RAB7B: variants seen among roughly 807,000 people sequenced by gnomAD.
RAB7B encodes ras-related protein Rab-7b.
At chr1:205,986,315 C>G (rs888863237) in intron 4 of RAB7B, among the ~76,000 whole-genome samples, 1 of 152,220 alleles carries the variant, frequency 6.6e-6, no homozygotes, top group Non-Finnish European at 1.5e-5. Flanking sequence ...ATGAACTCAT[C>G]TCATCCTCTC....
intron 1 of RAB7B, among the ~76,000 whole-genome samples, 172 bp downstream of exon 1, chr1:206,003,081 C>T (rs1660914344): frequency 6.6e-6 from 1 of 152,222 alleles, no homozygotes. Context: ...CTGCCACACC[C>T]TGGGAGCTTC....
At chr1:205,995,445 A>G (rs1447565139) in intron 1 of RAB7B, among the ~76,000 whole-genome samples, 6 of 152,210 alleles carry the variant, frequency 3.9e-5, no homozygotes, top group African/African-American at 1.4e-4. Flanking sequence ...CTACACTCCC[A>G]GGTTCACTGC....
rs1660737516 is a variant in RAB7B, at chr1:205,992,514, A to T, written c.362T>A (p.Leu121Ter). 2.5e-6 allele frequency: 1 copy of T among 398,578 alleles called. No homozygotes were observed. The highest frequency in any genetic ancestry group is 1.3e-4 in the South Asian group (1 of 7,868). 24.7% of individuals were successfully genotyped at this position (398,578 alleles called of 1,614,324 possible). ...VPMEQSYPMV[L>*]LGNKIDLADR... ...TGCCAGATCGATCTTGTTCCCCAAC[A>T]ACACCATGGGGTAGGACTGCTCCAT... The change falls in exon 4 of 6, where the codon TTG (leucine) becomes TAG (stop). Residue 121 changes from leucine to a stop codon, truncating the protein, a stop_gained. Coordinates refer to ENST00000617070, the MANE Select transcript of RAB7B (RefSeq NM_001164522.3). LOFTEE classifies it high-confidence loss of function.
chr1:205,985,790 G>T (rs1396237173), intron 4 of RAB7B, 125 bp from the exon 5 acceptor site: 9 of 304,220 alleles, frequency 3.0e-5, no homozygotes, highest in African/African-American at 1.2e-4. Context: ...ATCCCCACCA[G>T]GCCCACCATC....
rs1660784896 is a variant in RAB7B at position 205,994,927 on chromosome 1, A to G, written c.-16-776T>C. On this transcript the variant is annotated intron_variant, in intron 1 of 5. Transcript: ENST00000617070. Reference sequence around the variant, plus strand: ...TAATATGGGAAAATGCTCATGCCCTAGGATCTAAATAGGATCCTAGGATCC... The same window carrying G: ...TAATATGGGAAAATGCTCATGCCCTGGGATCTAAATAGGATCCTAGGATCC... 2.6e-5 allele frequency among the ~76,000 whole-genome samples: 4 copies of G among 152,214 alleles called. 1 individual carries two copies. Among genetic ancestry groups the G allele is most frequent in the Admixed American group, 2.6e-4 (4 of 15,278 alleles).
intron 1 of RAB7B, among the ~76,000 whole-genome samples, chr1:206,002,222 C>T (rs1175183287): frequency 2.0e-5 from 3 of 152,154 alleles, no homozygotes; most frequent in Admixed American, 6.5e-5. Flanking sequence ...TTCACAATTC[C>T]GCCTTACCCA....
At chr1:205,985,911 T>C (rs1347884865) in intron 4 of RAB7B, among the ~76,000 whole-genome samples, 1 of 115,926 alleles carries the variant, frequency 8.6e-6, no homozygotes, top group Admixed American at 9.6e-5. Context: ...AGGTGGGAAC[T>C]GTTAGCTCCA....
At chr1:205,999,884 C>T (rs1660864846) in intron 1 of RAB7B, among the ~76,000 whole-genome samples, 2 of 152,210 alleles carry the variant, frequency 1.3e-5, no homozygotes, top group East Asian at 1.9e-4. Flanking sequence ...CCTCCCCCCT[C>T]AACCTCCCAG....
chr1:205,993,291 G>C, intron 3 of RAB7B, 129 bp downstream of exon 3: 2 of 394,424 alleles, frequency 5.1e-6, no homozygotes, highest in Middle Eastern at 1.3e-3. Flanking sequence ...TGGCCCATGA[G>C]CTGAAGTTTG....
At chr1:205,983,412 A>G (rs1163009179) in intron 5 of RAB7B, among the ~76,000 whole-genome samples, 4 of 152,102 alleles carry the variant, frequency 2.6e-5, no homozygotes, top group Non-Finnish European at 4.4e-5. Context: ...GCTGTCTGGG[A>G]GTCACCTTGT....
At chr1:205,984,127 T>C (rs878961933) in intron 5 of RAB7B, 32,651 of 152,198 alleles carry the variant, frequency 0.21, 4,033 homozygotes, top group Non-Finnish European at 0.28. Flanking sequence ...ACACCGCCCA[T>C]GTAATAAAGC....
chr1:205,990,097 C>G (rs1168227472), intron 4 of RAB7B, among the ~76,000 whole-genome samples: 2 of 152,198 alleles, frequency 1.3e-5, no homozygotes, highest in Non-Finnish European at 2.9e-5. Flanking sequence ...AGAGGCGCAA[C>G]AACTGGACAG....
intron 5 of RAB7B, among the ~76,000 whole-genome samples, chr1:205,981,208 C>T (rs1660485202): frequency 6.6e-6 from 1 of 152,146 alleles, no homozygotes; most frequent in Admixed American, 6.5e-5. Flanking sequence ...GCCAGCATTG[C>T]TAACTTTCTG....
chr1:205,988,193 A>C (rs1210874383), intron 4 of RAB7B, among the ~76,000 whole-genome samples: 2 of 148,236 alleles, frequency 1.3e-5, no homozygotes, highest in Non-Finnish European at 3.0e-5. Flanking sequence ...ATATGTATGT[A>C]TATGTGTGTA....
At chr1:205,997,369 G>C (rs1660823851) in intron 1 of RAB7B, among the ~76,000 whole-genome samples, 1 of 152,192 alleles carries the variant, frequency 6.6e-6, no homozygotes, top group East Asian at 1.9e-4. Context: ...GAATTCAGCA[G>C]AACTAGGTCC....
intron 1 of RAB7B, chr1:205,994,470 C>T (rs951101904): frequency 3.4e-5 from 6 of 178,190 alleles, no homozygotes; most frequent in South Asian, 4.0e-4. Flanking sequence ...ACAGAGGCCT[C>T]GCAGACAGCC....
rs1042539602 is a variant in RAB7B at position 205,996,142 on chromosome 1, T to C, written c.-16-1991A>G. 5.3e-3 allele frequency among the ~76,000 whole-genome samples: 472 copies of C among 89,650 alleles called. 2 individuals are homozygous for C. Among genetic ancestry groups the C allele is most frequent in the Admixed American group, 8.5e-3 (58 of 6,832 alleles). 58.8% of individuals were successfully genotyped at this position (89,650 alleles called of 152,430 possible). A position where few individuals can be genotyped will look rare whatever the true frequency, so the allele number is the denominator to read the frequency against. The stretch of plus-strand genomic sequence containing the variant: ...TTCCTATAAGAGAAATGTAAATGTA[T>C]AGTGTGTGTGTGTGTGTGTGTGTGT... On this transcript the variant is annotated intron_variant, in intron 1 of 5. Transcript: ENST00000617070.
rs1643352378 is a variant in RAB7B, at chr1:205,978,251, C to T, written c.*600G>A. ...CCAGCAAGGAGGAATGAGCCATGGT[C>T]CCTTGTGGCTTCTCCTGTGCTCCCT... On this transcript the variant is annotated 3_prime_UTR_variant, in exon 6 of 6. Coordinates refer to ENST00000617070, the MANE Select transcript of RAB7B (RefSeq NM_001164522.3). The T allele has an allele frequency of 6.6e-6, 1 of 152,134 alleles. No homozygotes were observed. The allele number at this position is 152,134 out of a possible 1,614,324, so 9.4% of individuals were successfully genotyped here.
At chr1:206,001,270 T>G (rs1182339473) in intron 1 of RAB7B, among the ~76,000 whole-genome samples, 1 of 139,180 alleles carries the variant, frequency 7.2e-6, no homozygotes, top group Non-Finnish European at 1.5e-5. Flanking sequence ...GCTTTGGCAG[T>G]AGCCGTCTTT....
Sources: allele counts gnomAD v4.1 joint callset (sites outside exome capture counted in the v4.1 genomes callset), GRCh38; gene constraint gnomAD v4.1.1; transcripts MANE v1.5; gene names NCBI Gene and HGNC (gene_info 2026-07-23, HGNC 2026-07-21).